RMDN2: variants seen among roughly 807,000 people sequenced by gnomAD.
The protein encoded by RMDN2 is regulator of microtubule dynamics 2.
Under a neutral mutation model 52.8 loss-of-function variants are expected in RMDN2, and 61 were observed. That is an observed-to-expected ratio of 1.16 (90% CI 0.94 to 1.43). RMDN2 has a LOEUF of 1.43. RMDN2 is among the 40% of genes most tolerant of loss of function. The pLI, the probability that RMDN2 is intolerant of heterozygous loss-of-function variation, is 0.00. For missense variants in RMDN2, 592 were observed against 475.3 expected, an observed-to-expected ratio of 1.25 and a Z score of -2.28; for synonymous variants, 180 against 153.1, an observed-to-expected ratio of 1.18 and a Z score of -1.30.
chr2:37,946,773 A>G (rs1051941957), intron 2 of RMDN2, among the ~76,000 whole-genome samples: 1 of 152,156 alleles, frequency 6.6e-6, no homozygotes, highest in South Asian at 2.1e-4. Flanking sequence ...TGGTGATTGA[A>G]TTGATCCAGA....
At position 38,066,618 on chromosome 2, in the gene RMDN2, T is replaced by C. The variant is rs114609942; in HGVS notation, c.1714-364T>C. On this transcript the variant is annotated intron_variant, in intron 10 of 10. Coordinates refer to the RMDN2 transcript ENST00000234195. ...AGGTTGAAGAAACAACCTCTGTGAG[T>C]TTCTAACAACCACGCCTGTCTTACT... 3.2e-3 allele frequency among the ~76,000 whole-genome samples: 490 copies of C among 152,062 alleles called. 4 individuals are homozygous for C. Among genetic ancestry groups the C allele is most frequent in the African/African-American group, 0.011 (473 of 41,446 alleles).
intron 2 of RMDN2, among the ~76,000 whole-genome samples, chr2:37,959,962 GA>G (rs1379834439): frequency 0.015 from 2,267 of 148,300 alleles, 97 homozygotes; most frequent in African/African-American, 0.057. Flanking sequence ...AGTTTTGAGT[GA>G]GTTTCTTAAT....
At chr2:38,004,668 C>G (rs1676814251) in intron 10 of RMDN2, among the ~76,000 whole-genome samples, 1 of 151,988 alleles carries the variant, frequency 6.6e-6, no homozygotes, top group Admixed American at 6.6e-5. Flanking sequence ...CCCTTCTACT[C>G]TCTCCTTCTA....
intron 4 of RMDN2, among the ~76,000 whole-genome samples, chr2:37,975,536 A>G (rs1292063687): frequency 1.3e-5 from 2 of 152,182 alleles, no homozygotes; most frequent in Admixed American, 6.5e-5. Context: ...GGAGGGGAAC[A>G]TCACACAACA....
intron 7 of RMDN2, among the ~76,000 whole-genome samples, chr2:37,996,328 T>G (rs1413840170): frequency 6.6e-6 from 1 of 152,212 alleles, no homozygotes; most frequent in African/African-American, 2.4e-5. Context: ...CTTATGCCTG[T>G]AATCCTAGCA....
chr2:37,972,015 GA>G (rs1363650474), intron 2 of RMDN2, among the ~76,000 whole-genome samples: 8 of 152,156 alleles, frequency 5.3e-5, no homozygotes, highest in Admixed American at 2.0e-4. Context: ...GGTCATTTTA[GA>G]AACATCTTTT....
chr2:37,976,625 A>G (rs1010311461), intron 4 of RMDN2, among the ~76,000 whole-genome samples: 3 of 152,158 alleles, frequency 2.0e-5, no homozygotes, highest in African/African-American at 7.2e-5. Flanking sequence ...TCTTGTTTGC[A>G]TATTCATCAT....
intron 10 of RMDN2, chr2:38,030,956 A>G (rs1193783634): frequency 6.6e-6 from 1 of 152,186 alleles, no homozygotes; most frequent in Non-Finnish European, 1.5e-5. Context: ...TGCTTAAGGC[A>G]GCTAAAAAAG....
chr2:38,008,595 T>A (rs56732621), intron 10 of RMDN2, among the ~76,000 whole-genome samples: 1,612 of 152,324 alleles, frequency 0.011, 32 homozygotes, highest in African/African-American at 0.037. Flanking sequence ...TGAGCCTATG[T>A]GTGTCTCTGC....
At chr2:37,965,873 G>T (rs56386205) in intron 2 of RMDN2, among the ~76,000 whole-genome samples, 56,218 of 151,926 alleles carry the variant, frequency 0.37, 11,654 homozygotes, top group South Asian at 0.52. Flanking sequence ...GGACAGTTTT[G>T]CTGTTTATAG....
At chr2:38,002,421 T>A (rs537420623) in intron 8 of RMDN2, among the ~76,000 whole-genome samples, 95 of 152,326 alleles carry the variant, frequency 6.2e-4, no homozygotes, top group African/African-American at 2.3e-3. Context: ...ATACAGCTAT[T>A]GAAAATGATG....
intron 2 of RMDN2, among the ~76,000 whole-genome samples, chr2:37,944,332 C>CAAAAAAA: frequency 7.4e-6 from 1 of 135,314 alleles, no homozygotes; most frequent in South Asian, 2.4e-4. Flanking sequence ...CAGCCAATCT[C>CAAAAAAA]AAAAAAAAAA....
intron 10 of RMDN2, among the ~76,000 whole-genome samples, chr2:38,049,849 G>T (rs1434922300): frequency 6.6e-6 from 1 of 152,164 alleles, no homozygotes; most frequent in Non-Finnish European, 1.5e-5. Context: ...GATTACAGGT[G>T]ATGACAAGAT....
chr2:37,979,516 A>C (rs772186794), intron 4 of RMDN2, among the ~76,000 whole-genome samples: 1 of 152,246 alleles, frequency 6.6e-6, no homozygotes, highest in Non-Finnish European at 1.5e-5. Flanking sequence ...AGATTTGATC[A>C]CTGGAGAGTA....
intron 7 of RMDN2, among the ~76,000 whole-genome samples, chr2:37,997,031 T>C (rs989374434): frequency 6.6e-6 from 1 of 152,072 alleles, no homozygotes; most frequent in Non-Finnish European, 1.5e-5. Flanking sequence ...CTGTGTGCTG[T>C]ACGAAGAGAT....
chr2:37,963,210 A>T (rs1232451177), intron 2 of RMDN2: 1 of 152,020 alleles, frequency 6.6e-6, no homozygotes, highest in African/African-American at 2.4e-5. Context: ...AACATTTTGA[A>T]AACAGTCGAT....
rs1015445982 is a variant in RMDN2, at chr2:37,951,331, G to C, written c.452+21602G>C. On this transcript the variant is annotated intron_variant, in intron 2 of 10. Transcript: ENST00000354545. ...GGAGCCTCTTCTATTTCACAACCAA[G>C]TATATCTCTTGGTCATAAAACATCT... 2.2e-5 allele frequency: 35 copies of C among 1,612,870 alleles called. No individual in the cohort carries two copies. The highest frequency in any genetic ancestry group is 1.1e-4 in the African/African-American group (8 of 74,830).
At chr2:38,007,029 C>G (rs1364700643) in intron 10 of RMDN2, among the ~76,000 whole-genome samples, 1 of 152,186 alleles carries the variant, frequency 6.6e-6, no homozygotes, top group Non-Finnish European at 1.5e-5. Context: ...GTATGTTGAA[C>G]CAGCCTTGCA....
chr2:38,041,855 C>T (rs1680975551), intron 10 of RMDN2, among the ~76,000 whole-genome samples: 1 of 152,038 alleles, frequency 6.6e-6, no homozygotes, highest in Non-Finnish European at 1.5e-5. Flanking sequence ...ATTCAGTTTG[C>T]TTATATCTTC....
Sources: gnomAD v4.1 joint callset for allele counts (sites outside exome capture counted in the v4.1 genomes callset) on GRCh38, gnomAD v4.1.1 for gene constraint, MANE v1.5 for transcripts, NCBI Gene and HGNC (gene_info 2026-07-23, HGNC 2026-07-21) for gene names.